Variants in SLC12A8 observed in about 807,000 individuals in gnomAD.
SLC12A8 encodes the protein solute carrier family 12 member 8.
A neutral mutation model predicts 75.6 loss-of-function variants in SLC12A8; 69 were observed. The observed-to-expected ratio is 0.91, with a 90% CI of 0.75 to 1.11. The LOEUF (loss-of-function observed/expected upper bound fraction) is 1.11. Among genes scored for constraint, SLC12A8 ranks in the 50% most tolerant of loss-of-function variants. SLC12A8 has a pLI of 0.00. For missense variants in SLC12A8, 877 were observed against 896.7 expected, an observed-to-expected ratio of 0.98 and a Z score of 0.28; for synonymous variants, 365 against 372.8, an observed-to-expected ratio of 0.98 and a Z score of 0.24.
intron 10 of SLC12A8, among the ~76,000 whole-genome samples, chr3:125,097,819 A>T (rs1222844667): frequency 1.3e-5 from 2 of 152,058 alleles, no homozygotes; most frequent in Non-Finnish European, 2.9e-5. Flanking sequence ...AGCAAGTTGT[A>T]CAAACTTGTC....
At chr3:125,151,736 G>A (rs188235771) in intron 5 of SLC12A8, among the ~76,000 whole-genome samples, 1 of 152,318 alleles carries the variant, frequency 6.6e-6, no homozygotes, top group East Asian at 1.9e-4. Context: ...CAAGGCAATC[G>A]TATTTATAGT....
intron 8 of SLC12A8, among the ~76,000 whole-genome samples, chr3:125,112,901 G>A (rs1939222512): frequency 6.6e-6 from 1 of 152,182 alleles, no homozygotes; most frequent in Non-Finnish European, 1.5e-5. Context: ...CTAATGTGCA[G>A]CCGATGTGGA....
intron 5 of SLC12A8, among the ~76,000 whole-genome samples, chr3:125,142,592 C>G (rs527242135): frequency 6.6e-6 from 1 of 152,218 alleles, no homozygotes; most frequent in Non-Finnish European, 1.5e-5. Flanking sequence ...GGTTCGGGCC[C>G]TGGTTATGCG....
chr3:125,116,604 T>C (rs1021310789), intron 8 of SLC12A8, among the ~76,000 whole-genome samples: 1 of 152,162 alleles, frequency 6.6e-6, no homozygotes, highest in African/African-American at 2.4e-5. Flanking sequence ...CTTCCTTAGA[T>C]ACAAAGCTGC....
intron 3 of SLC12A8, among the ~76,000 whole-genome samples, chr3:125,188,573 T>C (rs1404116785): frequency 2.0e-5 from 3 of 151,166 alleles, no homozygotes; most frequent in East Asian, 3.9e-4. Context: ...AAAGCAAGAG[T>C]CGCAGAGAGG....
chr3:125,097,342 T>G (rs1376892154), intron 10 of SLC12A8, among the ~76,000 whole-genome samples: 3 of 151,626 alleles, frequency 2.0e-5, no homozygotes, highest in African/African-American at 7.3e-5. Flanking sequence ...TGAGCCAAGA[T>G]CACACCACTG....
chr3:125,150,711 T>C (rs1213294862), intron 5 of SLC12A8, among the ~76,000 whole-genome samples: 16 of 152,134 alleles, frequency 1.1e-4, no homozygotes, highest in Admixed American at 8.5e-4. Context: ...GCGATTCTTG[T>C]ACACTAGGGG....
rs1313572810 is a variant in SLC12A8, at chr3:125,083,904, T to A, written c.2131A>T (p.Met711Leu). The change falls in exon 14 of 14, where the codon ATG becomes TTG. Residue 711 changes from methionine (M) to leucine (L), a missense_variant. Transcript: ENST00000469902. ...HSSLVNREQL[M>L]PHY Reference sequence around the variant, plus strand: ...CAGCACTGCATCTAGTAGTGAGGCATCAGCTGCTCCCGGTTCACGAGGGAG... The same window carrying A: ...CAGCACTGCATCTAGTAGTGAGGCAACAGCTGCTCCCGGTTCACGAGGGAG... 1.7e-5 allele frequency: 27 copies of A among 1,612,792 alleles called. No individual in the cohort carries two copies. The highest frequency in any genetic ancestry group is 2.3e-5 in the Non-Finnish European group (27 of 1,179,594).
At chr3:125,133,359 AC>A (rs1370123335) in intron 6 of SLC12A8, among the ~76,000 whole-genome samples, 5 of 132,656 alleles carry the variant, frequency 3.8e-5, no homozygotes, top group Admixed American at 8.3e-5. Flanking sequence ...ACACACACAC[AC>A]ACGCACACAC....
intron 5 of SLC12A8, among the ~76,000 whole-genome samples, chr3:125,169,598 G>A: frequency 6.6e-6 from 1 of 152,190 alleles, no homozygotes; most frequent in East Asian, 1.9e-4. Context: ...ACCTGAGTAT[G>A]AGGCTGCCAG....
intron 5 of SLC12A8, among the ~76,000 whole-genome samples, chr3:125,171,953 T>TAAAAAA (rs1165990475): frequency 5.1e-4 from 1 of 1,964 alleles, no homozygotes; most frequent in African/African-American, 8.9e-4. Context: ...AATTAAAAAG[T>TAAAAAA]AAAAAAAAAA....
chr3:125,111,374 C>A (rs1939182923), intron 8 of SLC12A8, among the ~76,000 whole-genome samples: 1 of 152,194 alleles, frequency 6.6e-6, no homozygotes, highest in African/African-American at 2.4e-5. Flanking sequence ...TGCTAAGGGG[C>A]TGGGTGGCTG....
Position 125,083,675 on chromosome 3 carries a change from T to C in SLC12A8, c.*215A>G. On this transcript the variant is annotated 3_prime_UTR_variant, in exon 14 of 14. Transcript: ENST00000469902. ...AAGCAGAGGTTGCAGTGAGCCAAGA[T>C]TGTGCCACTGGACTCCAGCCTGGGT... 6.2e-6 allele frequency: 3 copies of C among 480,160 alleles called. No individual in the cohort carries two copies. The highest frequency in any genetic ancestry group is 7.5e-5 in the East Asian group (2 of 26,694). 29.7% of individuals were successfully genotyped at this position (480,160 alleles called of 1,614,324 possible). A position where few individuals can be genotyped will look rare whatever the true frequency, so the allele number is the denominator to read the frequency against.
intron 6 of SLC12A8, among the ~76,000 whole-genome samples, chr3:125,123,173 G>A (rs71325815): frequency 2.0e-5 from 3 of 151,836 alleles, no homozygotes; most frequent in African/African-American, 4.8e-5. Flanking sequence ...TCAGGAGTTC[G>A]AGACCAGCCT....
chr3:125,091,604 T>C, intron 11 of SLC12A8, 48 bp from the exon 12 acceptor site: 1 of 1,290,184 alleles, frequency 7.8e-7, no homozygotes, highest in East Asian at 2.3e-5. Flanking sequence ...GCTTTCTACA[T>C]GGTAAGCAAG....
intron 6 of SLC12A8, among the ~76,000 whole-genome samples, chr3:125,128,413 C>T (rs1181398763): frequency 1.3e-5 from 2 of 148,164 alleles, no homozygotes; most frequent in South Asian, 4.4e-4. Flanking sequence ...ATCTCCTGAC[C>T]TCGTGATCCG....
intron 5 of SLC12A8, among the ~76,000 whole-genome samples, chr3:125,160,535 G>T (rs1441787400): frequency 6.6e-6 from 1 of 152,202 alleles, no homozygotes; most frequent in Non-Finnish European, 1.5e-5. Context: ...TGCTGAGGGG[G>T]TCCTTCTCCT....
chr3:125,166,086 G>A (rs754026539), intron 5 of SLC12A8, among the ~76,000 whole-genome samples: 2 of 151,722 alleles, frequency 1.3e-5, no homozygotes, highest in Non-Finnish European at 2.9e-5. Context: ...CAAGCGTTTC[G>A]CCCAGCCCAC....
chr3:125,176,911 G>T lies in SLC12A8; in HGVS notation c.622+832C>A, dbSNP rs561002029. On this transcript the variant is annotated intron_variant, in intron 5 of 13. Coordinates refer to ENST00000469902, the MANE Select transcript of SLC12A8 (RefSeq NM_024628.6). Reference sequence around the variant, plus strand: ...ACTAGTTCAACCATTGTGGAAGTCGGTGTGGCGATTCCTCACGGATCTAGA... The same window carrying T: ...ACTAGTTCAACCATTGTGGAAGTCGTTGTGGCGATTCCTCACGGATCTAGA... Among the ~76,000 whole-genome samples, 106 of 151,954 alleles carry T rather than the reference G, an allele frequency of 7.0e-4. 1 individual carries two copies. The highest frequency in any genetic ancestry group is 3.4e-3 in the Middle Eastern group (1 of 292).
Sources: allele counts gnomAD v4.1 joint callset (sites outside exome capture counted in the v4.1 genomes callset), GRCh38; gene constraint gnomAD v4.1.1; transcripts MANE v1.5; gene names NCBI Gene and HGNC (gene_info 2026-07-23, HGNC 2026-07-21).